Variants in RTN1 observed in about 807,000 individuals in gnomAD.
The protein encoded by RTN1 is reticulon-1.
A neutral mutation model predicts 65.5 loss-of-function variants in RTN1; 25 were observed. The ratio of observed to expected loss-of-function variants is 0.38; its 90% CI spans 0.28 to 0.53. The LOEUF is 0.53. Ranked by LOEUF, RTN1 falls within the 20% of genes least tolerant of loss-of-function variation. The probability of loss-of-function intolerance (pLI) is 0.79; values close to 1 mark genes in which losing one functional copy is unlikely to be tolerated. For synonymous variants in RTN1, 471 were observed against 447.6 expected, an observed-to-expected ratio of 1.05 and a Z score of -0.66; for missense variants, 983 against 1,025.4, an observed-to-expected ratio of 0.96 and a Z score of 0.57.
chr14:59,602,986 C>G, intron 8 of RTN1, 79 bp downstream of exon 8: 1 of 1,049,900 alleles, frequency 9.5e-7, no homozygotes. Context: ...TTACTATCTT[C>G]TCATTACCCC....
intron 1 of RTN1, among the ~76,000 whole-genome samples, chr14:59,777,916 G>A (rs1416266162): frequency 6.6e-6 from 1 of 151,710 alleles, no homozygotes; most frequent in East Asian, 1.9e-4. Context: ...AGTCAGGGTG[G>A]CATGATGCAG....
rs554603804 is a variant in RTN1, at chr14:59,705,547, T to C, written c.1765+21372A>G. ...TGATTACTTTAGGACAACTCAACCTTTCTCCCTAAAGTAAGAAGGCTAAGA... is the reference window on the plus strand; with the variant it reads ...TGATTACTTTAGGACAACTCAACCTCTCTCCCTAAAGTAAGAAGGCTAAGA... On this transcript the variant is annotated intron_variant, in intron 3 of 8. Coordinates refer to ENST00000267484, the MANE Select transcript of RTN1 (RefSeq NM_021136.3). 4.6e-5 allele frequency among the ~76,000 whole-genome samples: 7 copies of C among 152,222 alleles called. No homozygotes were observed. In the South Asian group the frequency reaches 8.3e-4, roughly 18 times the overall value.
intron 3 of RTN1, among the ~76,000 whole-genome samples, chr14:59,679,169 T>C (rs561045848): frequency 6.6e-6 from 1 of 152,338 alleles, no homozygotes; most frequent in Admixed American, 6.5e-5. Flanking sequence ...AGTATTATCA[T>C]GTGTAATTGT....
At chr14:59,831,720 C>T (rs966331751) in intron 1 of RTN1, among the ~76,000 whole-genome samples, 3 of 152,006 alleles carry the variant, frequency 2.0e-5, no homozygotes, top group African/African-American at 7.2e-5. Flanking sequence ...CAGAATATGG[C>T]AGTAGGGCAG....
chr14:59,672,801 T>C (rs7161064), intron 3 of RTN1, among the ~76,000 whole-genome samples: 62,518 of 147,938 alleles, frequency 0.42, 14,115 homozygotes, highest in African/African-American at 0.57. Context: ...CCACCGCGCC[T>C]GGCTAATTTT....
intron 3 of RTN1, among the ~76,000 whole-genome samples, chr14:59,677,500 A>G (rs75280007): frequency 0.018 from 2,700 of 152,308 alleles, 85 homozygotes; most frequent in African/African-American, 0.06. Context: ...TATGATTTGA[A>G]ATGTATCTCA....
At chr14:59,720,271 G>A (rs531066744) in intron 3 of RTN1, among the ~76,000 whole-genome samples, 48 of 151,780 alleles carry the variant, frequency 3.2e-4, no homozygotes, top group Non-Finnish European at 5.2e-4. Context: ...AACATAGATC[G>A]ATATGCAATT....
At chr14:59,670,652 A>G (rs1437693429) in intron 3 of RTN1, among the ~76,000 whole-genome samples, 1 of 55,242 alleles carries the variant, frequency 1.8e-5, no homozygotes, top group Non-Finnish European at 3.5e-5. Context: ...TCCTTCAACT[A>G]TATGTGTCAG....
At chr14:59,615,819 T>C (rs1315498160) in intron 3 of RTN1, among the ~76,000 whole-genome samples, 1 of 152,198 alleles carries the variant, frequency 6.6e-6, no homozygotes, top group Admixed American at 6.5e-5. Flanking sequence ...AGAAAAGAGA[T>C]AGATTTATTT....
rs112751312 is a variant in RTN1, at chr14:59,716,840, C to T, written c.1765+10079G>A. Reference sequence around the variant, plus strand: ...AAAATTAGCCAGGCGTGGTGGTGGACGCCTGTAGTCCCAGCTACTCGGGAG... The same window carrying T: ...AAAATTAGCCAGGCGTGGTGGTGGATGCCTGTAGTCCCAGCTACTCGGGAG... On this transcript the variant is annotated intron_variant, in intron 3 of 8. Transcript: ENST00000267484. 2.1e-4 allele frequency among the ~76,000 whole-genome samples: 32 copies of T among 151,268 alleles called. 1 individual carries two copies. The highest frequency in any genetic ancestry group is 4.4e-4 in the African/African-American group (18 of 41,228).
intron 3 of RTN1, among the ~76,000 whole-genome samples, chr14:59,656,154 T>C (rs1012141931): frequency 6.6e-6 from 1 of 152,034 alleles, no homozygotes; most frequent in Non-Finnish European, 1.5e-5. Context: ...ATTCCACTTA[T>C]ATGAAATGTC....
intron 1 of RTN1, among the ~76,000 whole-genome samples, chr14:59,778,044 T>A (rs1886086901): frequency 6.6e-6 from 1 of 152,092 alleles, no homozygotes; most frequent in South Asian, 2.1e-4. Context: ...AGCTTTTGCA[T>A]GTGCTGTCCC....
intron 3 of RTN1, among the ~76,000 whole-genome samples, chr14:59,707,549 A>G (rs1405304087): frequency 1.3e-5 from 2 of 152,150 alleles, no homozygotes; most frequent in African/African-American, 4.8e-5. Flanking sequence ...CTGGCATGCA[A>G]TGGGTTCTCA....
rs111351825 is a variant in RTN1, at chr14:59,737,160, G to A, written c.1015+8548C>T. Among the ~76,000 whole-genome samples the A allele has an allele frequency of 2.3e-3, 348 of 152,248 alleles. 4 individuals are homozygous for A. The highest frequency in any genetic ancestry group is 7.6e-3 in the African/African-American group (317 of 41,544). ...ATTCAACACAGTATTGGAAGTTCTG[G>A]CCAGGGCAATCAGGCAAGAGAAAGA... On this transcript the variant is annotated intron_variant, in intron 2 of 8. Coordinates refer to ENST00000267484, the MANE Select transcript of RTN1 (RefSeq NM_021136.3).
chr14:59,750,212 A>AT (rs1885439732), intron 1 of RTN1, among the ~76,000 whole-genome samples: 2 of 28,818 alleles, frequency 6.9e-5, no homozygotes, highest in Admixed American at 1.7e-3. Context: ...AATATATAAT[A>AT]TATATATTAT....
intron 3 of RTN1, among the ~76,000 whole-genome samples, chr14:59,612,588 C>G (rs757479586): frequency 1.3e-5 from 2 of 152,144 alleles, no homozygotes; most frequent in Non-Finnish European, 2.9e-5. Context: ...GGGGGTATTG[C>G]AGGATAGAAT....
At chr14:59,686,260 G>A (rs1035534977) in intron 3 of RTN1, among the ~76,000 whole-genome samples, 4 of 152,056 alleles carry the variant, frequency 2.6e-5, no homozygotes, top group African/African-American at 2.4e-5. Context: ...TGGCCTGGGC[G>A]ATTATTTTTT....
chr14:59,798,541 CT>C (rs1464027929), intron 1 of RTN1, among the ~76,000 whole-genome samples: 5 of 152,106 alleles, frequency 3.3e-5, no homozygotes, highest in Admixed American at 6.6e-5. Context: ...CATTCTCCAT[CT>C]TCAAAGCCAG....
chr14:59,605,660 G>A, intron 4 of RTN1, 154 bp from the exon 5 acceptor site: 1 of 669,588 alleles, frequency 1.5e-6, no homozygotes, highest in Non-Finnish European at 2.5e-6. Flanking sequence ...AGGGCCACAG[G>A]GCACCGTACA....
Sources: allele counts gnomAD v4.1 joint callset (sites outside exome capture counted in the v4.1 genomes callset), GRCh38; gene constraint gnomAD v4.1.1; transcripts MANE v1.5; gene names NCBI Gene and HGNC (gene_info 2026-07-23, HGNC 2026-07-21).